The following TMIGD3 variants were observed in gnomAD, a reference collection of about 807,000 sequenced individuals.
TMIGD3 encodes the protein AD026 protein (AD026).
A neutral mutation model predicts 28.1 loss-of-function variants in TMIGD3; 21 were observed. The ratio of observed to expected loss-of-function variants is 0.75; its 90% CI spans 0.53 to 1.08. TMIGD3 has a LOEUF of 1.08. Ranked by LOEUF, TMIGD3 falls within the 50% of genes least tolerant of loss-of-function variation. The probability of loss-of-function intolerance (pLI) is 0.00; values close to 1 mark genes in which losing one functional copy is unlikely to be tolerated. For missense variants in TMIGD3, 416 were observed against 435.6 expected (o/e 0.96, Z 0.40); for synonymous variants, 151 against 162.1 (o/e 0.93, Z 0.52).
intron 1 of TMIGD3, among the ~76,000 whole-genome samples, chr1:111,498,155 G>A (rs1008880596): frequency 7.9e-5 from 12 of 152,196 alleles, no homozygotes; most frequent in Non-Finnish European, 5.9e-5. Context: ...GATAAATTTG[G>A]TTATCAGGCT....
At chr1:111,503,948 C>T (rs1289685803), upstream of TMIGD3, 1 of 985,304 alleles carries the variant, frequency 1.0e-6, no homozygotes, top group African/African-American at 1.7e-5. Flanking sequence ...TGCAATCTTT[C>T]TGCCAGCTTA....
At chr1:111,522,853 C>T (rs1656125750) in intron 1 of TMIGD3, among the ~76,000 whole-genome samples, 1 of 152,096 alleles carries the variant, frequency 6.6e-6, no homozygotes, top group Non-Finnish European at 1.5e-5. Context: ...ATGTTCATTA[C>T]TAGAATAGAG....
intron 1 of TMIGD3, among the ~76,000 whole-genome samples, chr1:111,535,598 C>T (rs1043121394): frequency 1.3e-5 from 2 of 152,320 alleles, no homozygotes; most frequent in Admixed American, 6.5e-5. Context: ...GAGGATACAG[C>T]GTTTAATTGC....
chr1:111,509,976 C>G (rs1207429307), intron 1 of TMIGD3, among the ~76,000 whole-genome samples: 2 of 152,242 alleles, frequency 1.3e-5, no homozygotes, highest in African/African-American at 4.8e-5. Context: ...AGCCCTGGCT[C>G]TTTCAATGAG....
intron 1 of TMIGD3, among the ~76,000 whole-genome samples, chr1:111,551,388 T>C: frequency 6.6e-6 from 1 of 152,180 alleles, no homozygotes; most frequent in East Asian, 1.9e-4. Flanking sequence ...TCCTTTACCA[T>C]TTCTTTTACT....
chr1:111,510,194 G>A (rs991359906), intron 1 of TMIGD3, among the ~76,000 whole-genome samples: 1 of 151,978 alleles, frequency 6.6e-6, no homozygotes. Flanking sequence ...CAGCCAACAG[G>A]CCCTTCCTCT....
Position 111,483,633 on chromosome 1 carries a change from G to C in TMIGD3, c.*54C>G. The C allele has an allele frequency of 1.4e-6, 2 of 1,391,960 alleles. No homozygotes were observed. The highest frequency in any genetic ancestry group is 2.0e-6 in the Non-Finnish European group (2 of 982,820). The allele number at this position is 1,391,960 out of a possible 1,614,324, so 86.2% of individuals were successfully genotyped here. On this transcript the variant is annotated 3_prime_UTR_variant, in exon 6 of 6. Transcript: ENST00000369716. ...CTCTGAGGTGTGGGCCAGTTGTCAT[G>C]GTGATTATTCTGTTGTAGCATCACT...
intron 1 of TMIGD3, among the ~76,000 whole-genome samples, chr1:111,511,667 T>C (rs1655694701): frequency 1.0e-5 from 1 of 96,362 alleles, no homozygotes; most frequent in African/African-American, 4.1e-5. Context: ...TCTCAAATGG[T>C]GCCCTTTACA....
chr1:111,502,672 A>G (rs907524692), intron 1 of TMIGD3, among the ~76,000 whole-genome samples: 2 of 150,794 alleles, frequency 1.3e-5, no homozygotes, highest in African/African-American at 4.9e-5. Flanking sequence ...GGCTTTTATC[A>G]TTTCTAAAAC....
chr1:111,526,648 A>T (rs1347648937), intron 1 of TMIGD3, among the ~76,000 whole-genome samples: 1 of 152,242 alleles, frequency 6.6e-6, no homozygotes, highest in Non-Finnish European at 1.5e-5. Flanking sequence ...TGGTACATTT[A>T]TTATAATGAA....
At chr1:111,549,735 A>G (rs1436800238) in intron 1 of TMIGD3, among the ~76,000 whole-genome samples, 2 of 151,970 alleles carry the variant, frequency 1.3e-5, no homozygotes, top group Admixed American at 6.6e-5. Context: ...TGAAGCCTCA[A>G]ACTTCTGGAC....
intron 1 of TMIGD3, among the ~76,000 whole-genome samples, chr1:111,518,931 G>T (rs1450439033): frequency 6.6e-6 from 1 of 152,038 alleles, no homozygotes; most frequent in Non-Finnish European, 1.5e-5. Flanking sequence ...TTGTTTGTTT[G>T]TTTGTTTGTT....
intron 1 of TMIGD3, among the ~76,000 whole-genome samples, chr1:111,522,710 G>A (rs944143924): frequency 1.3e-5 from 2 of 151,962 alleles, no homozygotes; most frequent in African/African-American, 4.8e-5. Flanking sequence ...TAGAGATGGG[G>A]TTTCACTGTG....
At chr1:111,543,150 GGT>G (rs1656906638) in intron 1 of TMIGD3, among the ~76,000 whole-genome samples, 1 of 152,120 alleles carries the variant, frequency 6.6e-6, no homozygotes, top group African/African-American at 2.4e-5. Flanking sequence ...ACACAGCGCA[GGT>G]GACAGCTCTT....
chr1:111,486,443 G>A, intron 4 of TMIGD3, 143 bp downstream of exon 4: 1 of 630,598 alleles, frequency 1.6e-6, no homozygotes, highest in Non-Finnish European at 2.8e-6. Context: ...CTCAGATTAA[G>A]GATACATAGT....
At chr1:111,541,187 G>A (rs1248120170) in intron 1 of TMIGD3, among the ~76,000 whole-genome samples, 1 of 152,202 alleles carries the variant, frequency 6.6e-6, no homozygotes, top group East Asian at 1.9e-4. Flanking sequence ...TGGCTCAGGA[G>A]TCATAGCTTG....
chr1:111,488,705 G>A lies in TMIGD3; in HGVS notation c.777C>T (p.Thr259=). The change falls in exon 3 of 6, where the codon ACC becomes ACT. Residue 259 remains threonine, a synonymous_variant. Transcript: ENST00000369716. ...TELIVTDDKG[T]LANDFWSGKD... is the part of the protein sequence containing the mutation. Reference sequence around the variant, plus strand: ...TCCCAGACCAAAAGTCATTGGCCAGGGTTCCTTTGTCGTCAGTTACAATCA... The same window carrying A: ...TCCCAGACCAAAAGTCATTGGCCAGAGTTCCTTTGTCGTCAGTTACAATCA... 6.2e-7 allele frequency: 1 copy of A among 1,614,018 alleles called. No individual in the cohort carries two copies. The highest frequency in any genetic ancestry group is 8.5e-7 in the Non-Finnish European group (1 of 1,179,898).
At chr1:111,511,128 T>A (rs1261897583) in intron 1 of TMIGD3, among the ~76,000 whole-genome samples, 1 of 152,202 alleles carries the variant, frequency 6.6e-6, no homozygotes, top group Non-Finnish European at 1.5e-5. Context: ...TGATGGCTTC[T>A]TCCTCTACAC....
At chr1:111,522,494 T>C (rs559992651) in intron 1 of TMIGD3, among the ~76,000 whole-genome samples, 233 of 151,972 alleles carry the variant, frequency 1.5e-3, no homozygotes, top group African/African-American at 5.2e-3. Context: ...TTTTATTAAA[T>C]GTACTCTTAA....
Sources: allele counts gnomAD v4.1 joint callset (sites outside exome capture counted in the v4.1 genomes callset), GRCh38; gene constraint gnomAD v4.1.1; transcripts MANE v1.5; gene names NCBI Gene and HGNC (gene_info 2026-07-23, HGNC 2026-07-21).